The following CTNND2 variants were observed in gnomAD, a reference collection of about 807,000 sequenced individuals.
The protein encoded by CTNND2 is catenin delta 2.
CTNND2 carries 22 observed loss-of-function variants against 144.4 expected under a neutral mutation model. The ratio of observed to expected loss-of-function variants is 0.15; its 90% CI spans 0.11 to 0.22. The LOEUF (loss-of-function observed/expected upper bound fraction) is 0.22. CTNND2 is among the 10% of genes least tolerant of loss of function. CTNND2 has a pLI of 1.00. For missense variants in CTNND2, 1,353 were observed against 1,618.8 expected, an observed-to-expected ratio of 0.84 and a Z score of 2.82; for synonymous variants, 751 against 695.6, an observed-to-expected ratio of 1.08 and a Z score of -1.25.
intron 3 of CTNND2, among the ~76,000 whole-genome samples, chr5:11,535,338 T>C: frequency 6.6e-6 from 1 of 152,194 alleles, no homozygotes; most frequent in Non-Finnish European, 1.5e-5. Context: ...TGCAATATGG[T>C]GTAAAATGTG....
intron 9 of CTNND2, among the ~76,000 whole-genome samples, chr5:11,330,315 C>CAAAAAAAAAAAAAAAAAAA (rs1257414767): frequency 1.2e-5 from 1 of 82,348 alleles, no homozygotes; most frequent in African/African-American, 4.3e-5. Context: ...ACTAAAAATA[C>CAAAAAAAAAAAAAAAAAAA]AAAAAAAAAA....
At chr5:11,476,558 C>A (rs920885793) in intron 3 of CTNND2, among the ~76,000 whole-genome samples, 4 of 152,128 alleles carry the variant, frequency 2.6e-5, no homozygotes, top group South Asian at 2.1e-4. Context: ...TACACTCACA[C>A]GCCTAACAAT....
intron 12 of CTNND2, among the ~76,000 whole-genome samples, chr5:11,138,703 T>A (rs1320686754): frequency 1.3e-5 from 2 of 152,226 alleles, no homozygotes; most frequent in African/African-American, 4.8e-5. Flanking sequence ...CTATTTGTAG[T>A]TACTGATTAA....
chr5:11,413,412 A>T (rs1227789186), intron 3 of CTNND2, among the ~76,000 whole-genome samples: 1 of 152,188 alleles, frequency 6.6e-6, no homozygotes, highest in Non-Finnish European at 1.5e-5. Context: ...AATCAGAACC[A>T]TAGTTATCCT....
chr5:11,232,375 G>A (rs1405964850), intron 10 of CTNND2, among the ~76,000 whole-genome samples: 3 of 152,250 alleles, frequency 2.0e-5, no homozygotes, highest in African/African-American at 7.2e-5. Context: ...GAGTGGGGCT[G>A]TACCCTGCAA....
At chr5:11,548,206 G>A (rs1398734188) in intron 3 of CTNND2, among the ~76,000 whole-genome samples, 3 of 152,164 alleles carry the variant, frequency 2.0e-5, no homozygotes, top group African/African-American at 7.2e-5. Context: ...TTATTAGGAT[G>A]CATATGTGTG....
rs73043464 is a variant in CTNND2 at position 11,724,556 on chromosome 5, C to T, written c.174+7580G>A. ...TATCTATTTCGGTGGAGGGTTTCTC[C>T]TCTGTTGTGGAGGTGGTGGGCATGG... On this transcript the variant is annotated intron_variant, in intron 2 of 21. Coordinates refer to ENST00000304623, the MANE Select transcript of CTNND2 (RefSeq NM_001332.4). Among the ~76,000 whole-genome samples, 390 of 152,242 alleles carry T rather than the reference C, an allele frequency of 2.6e-3. 6 individuals carry two copies. The highest frequency in any genetic ancestry group is 8.6e-3 in the African/African-American group (359 of 41,532).
chr5:11,624,788 A>G (rs1781064392), intron 2 of CTNND2, among the ~76,000 whole-genome samples: 1 of 152,018 alleles, frequency 6.6e-6, no homozygotes, highest in Admixed American at 6.6e-5. Context: ...CCCTCCCCCA[A>G]CATTAAGGAA....
chr5:11,589,477 A>G (rs1779099927), intron 2 of CTNND2, among the ~76,000 whole-genome samples: 2 of 152,200 alleles, frequency 1.3e-5, no homozygotes, highest in Admixed American at 1.3e-4. Context: ...CTGTTCAACA[A>G]ATAAGTTTAT....
At chr5:11,801,812 T>C (rs73054712) in intron 1 of CTNND2, among the ~76,000 whole-genome samples, 2 of 152,170 alleles carry the variant, frequency 1.3e-5, no homozygotes, top group African/African-American at 4.8e-5. Context: ...GTGATCTAAA[T>C]AGCAAATGTG....
chr5:11,659,363 C>T (rs1315135847), intron 2 of CTNND2, among the ~76,000 whole-genome samples: 3 of 152,010 alleles, frequency 2.0e-5, no homozygotes. Flanking sequence ...TCCTCAAATA[C>T]CAAGGGCGTA....
intron 16 of CTNND2, among the ~76,000 whole-genome samples, chr5:11,067,456 C>T (rs1024905339): frequency 6.6e-6 from 1 of 152,146 alleles, no homozygotes; most frequent in Non-Finnish European, 1.5e-5. Flanking sequence ...TCAAAGAAAC[C>T]ATGGGCCAAA....
At chr5:11,842,391 C>T (rs112524969) in intron 1 of CTNND2, among the ~76,000 whole-genome samples, 1 of 152,048 alleles carries the variant, frequency 6.6e-6, no homozygotes, top group Non-Finnish European at 1.5e-5. Context: ...ATATGGAAAG[C>T]CAAATCTTGG....
At chr5:11,552,122 C>T (rs1775816445) in intron 3 of CTNND2, among the ~76,000 whole-genome samples, 1 of 152,156 alleles carries the variant, frequency 6.6e-6, no homozygotes. Context: ...ACATCGTAGT[C>T]ATCCCTGAAG....
intron 3 of CTNND2, among the ~76,000 whole-genome samples, chr5:11,531,551 G>T (rs921630760): frequency 6.6e-6 from 1 of 152,090 alleles, no homozygotes; most frequent in East Asian, 1.9e-4. Context: ...ACTTGAACCC[G>T]GGAGGCAGAG....
intron 3 of CTNND2, among the ~76,000 whole-genome samples, chr5:11,485,669 T>C (rs573899149): frequency 6.6e-6 from 1 of 152,212 alleles, no homozygotes; most frequent in African/African-American, 2.4e-5. Flanking sequence ...AAATGATAAG[T>C]GTTAGGAAAA....
intron 9 of CTNND2, among the ~76,000 whole-genome samples, chr5:11,255,274 T>C (rs1744117251): frequency 6.6e-6 from 1 of 152,178 alleles, no homozygotes; most frequent in African/African-American, 2.4e-5. Flanking sequence ...GCATCTCAGT[T>C]GCAGTGAGGA....
At chr5:11,138,368 G>A (rs1756364837) in intron 12 of CTNND2, among the ~76,000 whole-genome samples, 2 of 152,184 alleles carry the variant, frequency 1.3e-5, no homozygotes, top group African/African-American at 2.4e-5. Flanking sequence ...GTCTCAGGTT[G>A]CTGGGATTAG....
intron 1 of CTNND2, among the ~76,000 whole-genome samples, chr5:11,816,017 C>T (rs1792620425): frequency 1.3e-5 from 2 of 152,068 alleles, no homozygotes; most frequent in African/African-American, 4.8e-5. Context: ...GCTGCAGAGC[C>T]CACGAGTGTA....
Sources: gnomAD v4.1 joint callset for allele counts (sites outside exome capture counted in the v4.1 genomes callset) on GRCh38, gnomAD v4.1.1 for gene constraint, MANE v1.5 for transcripts, NCBI Gene and HGNC (gene_info 2026-07-23, HGNC 2026-07-21) for gene names.